NSUN4: variants seen among roughly 807,000 people sequenced by gnomAD.
The protein encoded by NSUN4 is NOP2/Sun RNA methyltransferase 4.
NSUN4 carries 31 observed loss-of-function variants against 43.8 expected under a neutral mutation model. That is an observed-to-expected ratio of 0.71 (90% CI 0.53 to 0.96). The LOEUF (loss-of-function observed/expected upper bound fraction) is 0.96. Among genes scored for constraint, NSUN4 ranks in the 40% least tolerant of loss-of-function variants. The pLI is 0.00. For synonymous variants in NSUN4, 167 were observed against 184.1 expected (o/e 0.91, Z 0.75); for missense variants, 439 against 475.6 (o/e 0.92, Z 0.72).
chr1:46,369,882 T>C (rs1392896858), downstream of NSUN4, among the ~76,000 whole-genome samples: 3 of 152,234 alleles, frequency 2.0e-5, no homozygotes, highest in Non-Finnish European at 4.4e-5. Context: ...GAAAATGATC[T>C]GATCAGATTT....
At chr1:46,348,503 A>G (rs556740182) in intron 3 of NSUN4, among the ~76,000 whole-genome samples, 6 of 152,152 alleles carry the variant, frequency 3.9e-5, no homozygotes, top group African/African-American at 1.2e-4. Flanking sequence ...ACCTGAGGTC[A>G]GGAGTTCAAG....
intron 4 of NSUN4, among the ~76,000 whole-genome samples, chr1:46,360,249 A>AATATATAT (rs773980804): frequency 2.0e-3 from 52 of 25,726 alleles, no homozygotes; most frequent in Non-Finnish European, 2.2e-3. Context: ...AAAAAAAAAA[A>AATATATAT]ATATATATAT....
chr1:46,359,529 C>T (rs958536476), intron 4 of NSUN4, among the ~76,000 whole-genome samples: 19 of 148,932 alleles, frequency 1.3e-4, no homozygotes, highest in Admixed American at 7.4e-4. Context: ...ACTACAAGAG[C>T]GCTGCCACCA....
intron 3 of NSUN4, among the ~76,000 whole-genome samples, chr1:46,352,083 G>C (rs72677588): frequency 0.22 from 33,682 of 150,992 alleles, 4,205 homozygotes; most frequent in Non-Finnish European, 0.29. Context: ...CTACTTTGGC[G>C]TCCTCCCAAA....
At chr1:46,349,330 T>C (rs563311085) in intron 3 of NSUN4, among the ~76,000 whole-genome samples, 16 of 151,552 alleles carry the variant, frequency 1.1e-4, no homozygotes, top group East Asian at 7.8e-4. Flanking sequence ...TTAGTAGAGA[T>C]AGGGTTTCAC....
chr1:46,343,590 G>A (rs1161204961), intron 1 of NSUN4: 3 of 399,952 alleles, frequency 7.5e-6, no homozygotes, highest in Admixed American at 8.8e-5. Flanking sequence ...TCCCCATGAT[G>A]GCAGAAGTCA....
At chr1:46,341,113 C>A in intron 1 of NSUN4, 194 bp downstream of exon 1, 2 of 1,266,320 alleles carry the variant, frequency 1.6e-6, no homozygotes, top group Non-Finnish European at 2.1e-6. Context: ...GTGTCTTCCA[C>A]TTGTTACGTC....
chr1:46,347,800 T>TTTGCTC (rs1303840017), intron 3 of NSUN4, among the ~76,000 whole-genome samples: 2 of 152,184 alleles, frequency 1.3e-5, no homozygotes, highest in East Asian at 3.8e-4. Flanking sequence ...GCCTTTGCTC[T>TTTGCTC]TGTTAAATTT....
At chr1:46,366,704 C>CAAAAAA (rs34437222), downstream of NSUN4, among the ~76,000 whole-genome samples, 7 of 59,432 alleles carry the variant, frequency 1.2e-4, no homozygotes, top group Non-Finnish European at 1.7e-4. Context: ...ACTAAAAATA[C>CAAAAAA]AAAAAAAAAA....
At chr1:46,370,688 A>T in the NSUN4 span, 1 of 152,256 alleles carries the variant, frequency 6.6e-6, no homozygotes. Context: ...AGTATGCCAC[A>T]TAAAAAGGGA....
downstream of NSUN4, among the ~76,000 whole-genome samples, chr1:46,366,704 C>CAAAAAAAAAAAAAAAAAA (rs34437222): frequency 3.4e-5 from 2 of 59,408 alleles, no homozygotes; most frequent in Non-Finnish European, 5.6e-5. Flanking sequence ...ACTAAAAATA[C>CAAAAAAAAAAAAAAAAAA]AAAAAAAAAA....
At chr1:46,376,084 C>G in the NSUN4 span, among the ~76,000 whole-genome samples, 1 of 84,458 alleles carries the variant, frequency 1.2e-5, no homozygotes, top group Admixed American at 2.0e-4. Context: ...GCCTGGGCAA[C>G]AAGAGCGAAA....
At chr1:46,360,265 T>C (rs1416687100) in intron 4 of NSUN4, among the ~76,000 whole-genome samples, 2 of 104,846 alleles carry the variant, frequency 1.9e-5, no homozygotes, top group Non-Finnish European at 3.9e-5. Flanking sequence ...TATATATATA[T>C]ATATATATAT....
At chr1:46,379,769 A>C in the NSUN4 span, among the ~76,000 whole-genome samples, 1 of 152,164 alleles carries the variant, frequency 6.6e-6, no homozygotes, top group African/African-American at 2.4e-5. Flanking sequence ...AGGCTTGCTC[A>C]TTGCTTTATA....
chr1:46,356,841 C>G (rs1000969369), intron 4 of NSUN4, among the ~76,000 whole-genome samples: 2 of 152,176 alleles, frequency 1.3e-5, no homozygotes, highest in Non-Finnish European at 2.9e-5. Context: ...CACTAACCCC[C>G]CCATGTCACA....
At chr1:46,347,787 G>A (rs1389488147) in intron 3 of NSUN4, among the ~76,000 whole-genome samples, 1 of 151,022 alleles carries the variant, frequency 6.6e-6, no homozygotes, top group Non-Finnish European at 1.5e-5. Flanking sequence ...GCTACTCTCT[G>A]TTGCCTTTGC....
intron 4 of NSUN4, among the ~76,000 whole-genome samples, chr1:46,358,901 C>T (rs1215221023): frequency 6.6e-6 from 1 of 152,076 alleles, no homozygotes; most frequent in Non-Finnish European, 1.5e-5. Context: ...CTCTTTCTCC[C>T]CTTCTCACTC....
rs1358498737 is a variant in NSUN4, at chr1:46,341,245, A to G, written c.93+326A>G. On this transcript the variant is annotated intron_variant, in intron 1 of 5. Transcript: ENST00000474844. ...CTTTCTGTCCCCCACTCCCCCTTTTACTTCCCTCCCTCCCCTCCCCCTTTC... is the reference window on the plus strand; with the variant it reads ...CTTTCTGTCCCCCACTCCCCCTTTTGCTTCCCTCCCTCCCCTCCCCCTTTC... 4.9e-6 allele frequency: 3 copies of G among 614,904 alleles called. No individual in the cohort carries two copies. The South Asian group carries it at 1.7e-4, about 35-fold the overall frequency. The allele number at this position is 614,904 out of a possible 1,614,324, so 38.1% of individuals were successfully genotyped here.
intron 4 of NSUN4, among the ~76,000 whole-genome samples, chr1:46,360,028 G>A (rs978266323): frequency 1.3e-5 from 2 of 150,770 alleles, no homozygotes; most frequent in Non-Finnish European, 2.9e-5. Context: ...AGGAGATCGA[G>A]ACCATCCTGG....
Sources: allele counts gnomAD v4.1 joint callset (sites outside exome capture counted in the v4.1 genomes callset), GRCh38; gene constraint gnomAD v4.1.1; transcripts MANE v1.5; gene names NCBI Gene and HGNC (gene_info 2026-07-23, HGNC 2026-07-21).